The following TRDN variants were observed in gnomAD, a reference collection of about 807,000 sequenced individuals.
The protein encoded by TRDN is triadin, also known as triadin in skeletal muscle.
Under a neutral mutation model 149.7 loss-of-function variants are expected in TRDN, and 161 were observed. The ratio of observed to expected loss-of-function variants is 1.08; its 90% CI spans 0.95 to 1.23. The LOEUF (loss-of-function observed/expected upper bound fraction) is 1.23, where lower values mean the gene tolerates loss of function less well. Among genes scored for constraint, TRDN ranks in the 50% most tolerant of loss-of-function variants. The pLI is 0.00. For synonymous variants in TRDN, 294 were observed against 250.5 expected (o/e 1.17, Z -1.64); for missense variants, 896 against 823.5 (o/e 1.09, Z -1.08).
chr6:123,249,201 A>C (rs561484792), intron 38 of TRDN, among the ~76,000 whole-genome samples: 1 of 152,232 alleles, frequency 6.6e-6, no homozygotes, highest in Admixed American at 6.5e-5. Flanking sequence ...GCTGAGCATT[A>C]CTAATTATGA....
At chr6:123,339,974 T>C (rs1023345157) in intron 21 of TRDN, among the ~76,000 whole-genome samples, 1 of 152,162 alleles carries the variant, frequency 6.6e-6, no homozygotes, top group Non-Finnish European at 1.5e-5. Flanking sequence ...TAATCTGAGA[T>C]AAAAACTATT....
intron 24 of TRDN, among the ~76,000 whole-genome samples, chr6:123,290,250 C>A (rs9385293): frequency 0.18 from 28,043 of 151,806 alleles, 3,390 homozygotes; most frequent in East Asian, 0.62. Flanking sequence ...AGTCAGGCAG[C>A]TGGGTCCCAA....
intron 23 of TRDN, among the ~76,000 whole-genome samples, chr6:123,330,311 C>T (rs1265089983): frequency 2.0e-5 from 3 of 151,918 alleles, no homozygotes; most frequent in African/African-American, 7.2e-5. Context: ...ACAGTAAGAT[C>T]ATGTTAAAGA....
chr6:123,337,347 T>C (rs1434293864), intron 22 of TRDN, among the ~76,000 whole-genome samples: 2 of 152,050 alleles, frequency 1.3e-5, no homozygotes, highest in Admixed American at 1.3e-4. Context: ...CCTTCTATAT[T>C]TTTTATCTTT....
chr6:123,389,223 G>T (rs1328856579), intron 13 of TRDN, among the ~76,000 whole-genome samples: 2 of 152,020 alleles, frequency 1.3e-5, no homozygotes, highest in African/African-American at 4.8e-5. Context: ...TTTGGGAGAG[G>T]TGCTCAACAG....
intron 1 of TRDN, among the ~76,000 whole-genome samples, chr6:123,588,023 C>T (rs1466699618): frequency 6.6e-6 from 1 of 151,970 alleles, no homozygotes; most frequent in Non-Finnish European, 1.5e-5. Flanking sequence ...GATCAAGTTT[C>T]TTATTATGTA....
In TRDN at chr6:123,435,149, C is replaced by T. The variant is rs147974556; in HGVS notation, c.1051+2914G>A. On this transcript the variant is annotated intron_variant, in intron 12 of 40. Transcript: ENST00000334268. ...TATTTTATAATATAAATAATATTAA[C>T]ATTAACATAAATATAATAAAATATC... 3.8e-3 allele frequency among the ~76,000 whole-genome samples: 573 copies of T among 150,034 alleles called. 8 individuals carry two copies. In the East Asian group the frequency reaches 0.043, roughly 11 times the overall value.
At chr6:123,272,764 G>T (rs973136967) in intron 29 of TRDN, among the ~76,000 whole-genome samples, 200 bp downstream of exon 29, 1 of 151,868 alleles carries the variant, frequency 6.6e-6, no homozygotes, top group African/African-American at 2.4e-5. Flanking sequence ...AAGACTAGTT[G>T]TCTAGTTACA....
chr6:123,505,871 G>A (rs1181841839), intron 7 of TRDN, among the ~76,000 whole-genome samples: 1 of 151,886 alleles, frequency 6.6e-6, no homozygotes, highest in East Asian at 1.9e-4. Flanking sequence ...AGTTAATTTT[G>A]TATTGTTAGT....
intron 19 of TRDN, among the ~76,000 whole-genome samples, chr6:123,367,283 G>A (rs1346306375): frequency 6.6e-6 from 1 of 152,108 alleles, no homozygotes; most frequent in Non-Finnish European, 1.5e-5. Context: ...GATTAGTTGA[G>A]GTTGTTCCCC....
At chr6:123,599,785 A>G (rs770263687) in intron 1 of TRDN, among the ~76,000 whole-genome samples, 1 of 151,908 alleles carries the variant, frequency 6.6e-6, no homozygotes, top group African/African-American at 2.4e-5. Flanking sequence ...TTACACAAAT[A>G]AAACTCTAGA....
chr6:123,265,471 A>T lies in TRDN; in HGVS notation c.1784-133T>A, dbSNP rs1776910810. On this transcript the variant is annotated intron_variant, in intron 32 of 40. Transcript: ENST00000334268. ...GACTAAACTTATATCAACAATGAAC[A>T]GTAGGAAATGTGTTTTTAATAATTT... 5.6e-6 allele frequency: 3 copies of T among 532,432 alleles called. No individual in the cohort carries two copies. The South Asian group carries it at 8.3e-5, about 15-fold the overall frequency. 33.0% of individuals were successfully genotyped at this position (532,432 alleles called of 1,614,324 possible).
intron 13 of TRDN, among the ~76,000 whole-genome samples, chr6:123,391,729 T>C (rs376808185): frequency 1.2e-4 from 19 of 152,154 alleles, no homozygotes; most frequent in African/African-American, 4.1e-4. Context: ...TTTTAATATG[T>C]CCTTTGTTGT....
At chr6:123,634,902 G>T (rs1423078751) in intron 1 of TRDN, among the ~76,000 whole-genome samples, 1 of 151,670 alleles carries the variant, frequency 6.6e-6, no homozygotes, top group East Asian at 1.9e-4. Context: ...TATTTTTATG[G>T]GTAACTCCAG....
intron 20 of TRDN, among the ~76,000 whole-genome samples, chr6:123,364,910 A>T (rs1781032718): frequency 6.6e-6 from 1 of 152,196 alleles, no homozygotes; most frequent in Admixed American, 6.5e-5. Flanking sequence ...ATTTTGAAGC[A>T]AACAAGTTTA....
At chr6:123,284,589 C>T (rs1023288820) in intron 24 of TRDN, among the ~76,000 whole-genome samples, 1 of 152,056 alleles carries the variant, frequency 6.6e-6, no homozygotes, top group African/African-American at 2.4e-5. Flanking sequence ...AAAGCATTCC[C>T]TCTGAAAACT....
At chr6:123,445,104 C>T (rs1775230880) in intron 10 of TRDN, 1 of 151,330 alleles carries the variant, frequency 6.6e-6, no homozygotes, top group South Asian at 2.1e-4. Context: ...GGTACCAGTT[C>T]CTCCTTGTAC....
At chr6:123,467,028 T>C (rs1776861166) in intron 9 of TRDN, among the ~76,000 whole-genome samples, 1 of 152,122 alleles carries the variant, frequency 6.6e-6, no homozygotes, top group Admixed American at 6.6e-5. Context: ...CTGAAGGAAA[T>C]ATAAAGTTAT....
Position 123,257,378 on chromosome 6 carries a change from C to T in TRDN, c.1871-1476G>A, listed in dbSNP as rs150133243. On this transcript the variant is annotated intron_variant, in intron 35 of 40. Coordinates refer to ENST00000334268, the MANE Select transcript of TRDN (RefSeq NM_006073.4). ...ATATGGCAAGCCAATTTTCCCAACA[C>T]CATTTATTAAATAGTGAATCCTCAC... 5.8e-3 allele frequency among the ~76,000 whole-genome samples: 888 copies of T among 152,318 alleles called. 4 individuals carry two copies. Among genetic ancestry groups the T allele is most frequent in the Middle Eastern group, 0.014 (4 of 294 alleles).
Sources: gnomAD v4.1 joint callset for allele counts (sites outside exome capture counted in the v4.1 genomes callset) on GRCh38, gnomAD v4.1.1 for gene constraint, MANE v1.5 for transcripts, NCBI Gene and HGNC (gene_info 2026-07-23, HGNC 2026-07-21) for gene names.